Variants in LTBP1 observed in about 807,000 individuals in gnomAD.
The protein encoded by LTBP1 is latent-transforming growth factor beta-binding protein 1.
LTBP1 carries 129 observed loss-of-function variants against 207.6 expected under a neutral mutation model. The ratio of observed to expected loss-of-function variants is 0.62; its 90% confidence interval spans 0.54 to 0.72. The LOEUF (loss-of-function observed/expected upper bound fraction) is 0.72, where lower values mean the gene tolerates loss of function less well. Among genes scored for constraint, LTBP1 ranks in the 30% least tolerant of loss-of-function variants. The pLI is 0.00. For missense variants in LTBP1, 2,281 were observed against 2,217.2 expected, an observed-to-expected ratio of 1.03 and a Z score of -0.58; for synonymous variants, 963 against 833.7, an observed-to-expected ratio of 1.16 and a Z score of -2.67.
intron 2 of LTBP1, among the ~76,000 whole-genome samples, chr2:33,000,936 T>A (rs1685993594): frequency 7.5e-6 from 1 of 133,960 alleles, no homozygotes; most frequent in African/African-American, 2.6e-5. Context: ...GAAAAGAGGA[T>A]TTTTTTTCCA....
chr2:33,250,671 T>C (rs150383472), intron 10 of LTBP1, among the ~76,000 whole-genome samples: 213 of 152,268 alleles, frequency 1.4e-3, no homozygotes, highest in Middle Eastern at 6.8e-3. Context: ...CATAGGGAGC[T>C]GCCTAGAGAC....
At chr2:33,343,353 A>G (rs1474621052) in intron 25 of LTBP1, among the ~76,000 whole-genome samples, 15 of 151,248 alleles carry the variant, frequency 9.9e-5, no homozygotes, top group African/African-American at 3.7e-4. Flanking sequence ...TGAGGCTGCA[A>G]TAAGCCGTGA....
chr2:33,209,422 A>G (rs1244881238), intron 7 of LTBP1, among the ~76,000 whole-genome samples: 1 of 152,192 alleles, frequency 6.6e-6, no homozygotes. Flanking sequence ...CACCATGACA[A>G]GTACGATCGT....
In LTBP1 at chr2:33,277,458, T is replaced by G. The variant is rs550122169; in HGVS notation, c.2992+1535T>G. On this transcript the variant is annotated intron_variant, in intron 18 of 33. Coordinates refer to ENST00000404816, the MANE Select transcript of LTBP1 (RefSeq NM_206943.4). The stretch of plus-strand genomic sequence containing the variant: ...ACCTGTAGCCACTGACTTTGCCCCT[T>G]TGAAACGTAGTACATCATCTGTAAA... Among the ~76,000 whole-genome samples, 20 of 152,252 alleles carry G rather than the reference T, an allele frequency of 1.3e-4. 1 individual carries two copies. Among genetic ancestry groups the G allele is most frequent in the African/African-American group, 4.6e-4 (19 of 41,518 alleles).
chr2:33,280,303 T>TCTTAG, intron 19 of LTBP1, 145 bp downstream of exon 19: 1 of 783,580 alleles, frequency 1.3e-6, no homozygotes, highest in Non-Finnish European at 1.9e-6. Flanking sequence ...CAGTAACTTT[T>TCTTAG]AACCATTGAG....
At chr2:33,281,103 A>G (rs2093551971) in intron 19 of LTBP1, among the ~76,000 whole-genome samples, 1 of 152,166 alleles carries the variant, frequency 6.6e-6, no homozygotes, top group Non-Finnish European at 1.5e-5. Context: ...CTTACTGTAT[A>G]TCCCCAGAGT....
At chr2:33,282,770 A>G (rs1324598617) in intron 19 of LTBP1, among the ~76,000 whole-genome samples, 1 of 152,150 alleles carries the variant, frequency 6.6e-6, no homozygotes, top group Non-Finnish European at 1.5e-5. Context: ...GGGGATTGAG[A>G]GTGACTAAAA....
At chr2:33,092,345 A>G (rs1033756151) in intron 3 of LTBP1, among the ~76,000 whole-genome samples, 3 of 152,230 alleles carry the variant, frequency 2.0e-5, no homozygotes, top group African/African-American at 7.2e-5. Flanking sequence ...GTGGCATGCC[A>G]TGATAAAGTT....
chr2:32,955,482 A>G (rs1677928730), intron 2 of LTBP1, among the ~76,000 whole-genome samples: 1 of 151,804 alleles, frequency 6.6e-6, no homozygotes, highest in African/African-American at 2.4e-5. Context: ...TCTTCCACTA[A>G]TTTTTTTTAA....
At chr2:33,105,371 AT>A (rs2080001093) in intron 3 of LTBP1, among the ~76,000 whole-genome samples, 1 of 152,220 alleles carries the variant, frequency 6.6e-6, no homozygotes. Context: ...TTAAATTAAA[AT>A]GTAAAAATAC....
chr2:33,376,316 C>G (rs2095139217), intron 31 of LTBP1, among the ~76,000 whole-genome samples: 1 of 152,234 alleles, frequency 6.6e-6, no homozygotes. Flanking sequence ...CTCTTAGGCA[C>G]TAACACATGT....
chr2:33,128,452 C>T (rs2081576059), intron 4 of LTBP1, among the ~76,000 whole-genome samples: 1 of 152,230 alleles, frequency 6.6e-6, no homozygotes, highest in Admixed American at 6.5e-5. Context: ...AGTCAGTCTT[C>T]TTGTCAGTTG....
intron 2 of LTBP1, among the ~76,000 whole-genome samples, chr2:32,979,049 T>G (rs1255617653): frequency 6.6e-6 from 1 of 151,944 alleles, no homozygotes; most frequent in Non-Finnish European, 1.5e-5. Context: ...TGTTATGTAG[T>G]TTTTTTCATC....
chr2:33,293,627 G>T lies in LTBP1; in HGVS notation c.3235+345G>T, dbSNP rs527850109. 4.6e-5 allele frequency among the ~76,000 whole-genome samples: 7 copies of T among 152,208 alleles called. No individual in the cohort carries two copies. The East Asian group carries it at 1.3e-3, about 29-fold the overall frequency. The stretch of plus-strand genomic sequence containing the variant: ...TGTACATTTTAAATGGAATTGTATA[G>T]CATGGGAATTATTTCTGAATAAAAT... On this transcript the variant is annotated intron_variant, in intron 20 of 33. Coordinates refer to ENST00000404816, the MANE Select transcript of LTBP1 (RefSeq NM_206943.4).
chr2:33,116,503 C>G lies in LTBP1; in HGVS notation c.1033+5752C>G, dbSNP rs372788259. Among the ~76,000 whole-genome samples, 63 of 151,838 alleles carry G rather than the reference C, an allele frequency of 4.1e-4. 1 individual carries two copies. Among genetic ancestry groups the G allele is most frequent in the Admixed American group, 4.1e-3 (63 of 15,238 alleles). On this transcript the variant is annotated intron_variant, in intron 4 of 33. Coordinates refer to ENST00000404816, the MANE Select transcript of LTBP1 (RefSeq NM_206943.4). ...ACCAATTTATCTCCTGATGTGCTAA[C>G]GTGGGGGAGAAAGAGAGAGAGAAAT...
Position 33,134,016 on chromosome 2 carries a change from C to G in LTBP1, c.1034-777C>G. 6.6e-6 allele frequency among the ~76,000 whole-genome samples: 1 copy of G among 152,120 alleles called. No homozygotes were observed. Among genetic ancestry groups the G allele is most frequent in the East Asian group, 1.9e-4 (1 of 5,184 alleles). The stretch of plus-strand genomic sequence containing the variant: ...ACGCTAATGAAAGAAAGCTCCATCC[C>G]CAGTGGCTACTCCAGGTGGTCTATG... On this transcript the variant is annotated intron_variant, in intron 4 of 33. Transcript: ENST00000404816. This position sits in a 1 kb window ranked among gnomAD's most constrained non-coding sequence, Gnocchi z 4.4.
intron 7 of LTBP1, among the ~76,000 whole-genome samples, chr2:33,214,945 A>G (rs1436463117): frequency 5.3e-5 from 8 of 150,528 alleles, no homozygotes; most frequent in Admixed American, 2.6e-4. Flanking sequence ...ACCTGCTTTT[A>G]TATTAGGGAA....
At chr2:33,260,851 C>T (rs927509753) in intron 13 of LTBP1, among the ~76,000 whole-genome samples, 10 of 152,332 alleles carry the variant, frequency 6.6e-5, no homozygotes, top group African/African-American at 2.4e-4. Context: ...CTCAGTTCTT[C>T]TGTCTTTATG....
chr2:33,381,521 T>A (rs2095214504), intron 31 of LTBP1, among the ~76,000 whole-genome samples: 1 of 152,184 alleles, frequency 6.6e-6, no homozygotes, highest in African/African-American at 2.4e-5. Flanking sequence ...GACTTTAGAC[T>A]TCATTACTTC....
Sources: gnomAD v4.1 joint callset for allele counts (sites outside exome capture counted in the v4.1 genomes callset) on GRCh38, gnomAD v4.1.1 for gene constraint, Gnocchi (gnomAD v3.1) non-coding constraint, MANE v1.5 for transcripts, NCBI Gene and HGNC (gene_info 2026-07-23, HGNC 2026-07-21) for gene names.